Variants in CABIN1 observed in about 807,000 individuals in gnomAD.
CABIN1 encodes calcineurin-binding protein cabin-1.
A neutral mutation model predicts 227.7 loss-of-function variants in CABIN1; 133 were observed. The ratio of observed to expected loss-of-function variants is 0.58; its 90% CI spans 0.51 to 0.67. The LOEUF is 0.67. Ranked by LOEUF, CABIN1 falls within the 30% of genes least tolerant of loss-of-function variation. The pLI, the probability that CABIN1 is intolerant of heterozygous loss-of-function variation, is 0.00. For missense variants in CABIN1, 2,408 were observed against 2,852.5 expected, an observed-to-expected ratio of 0.84 and a Z score of 3.55; for synonymous variants, 1,086 against 1,155.1, an observed-to-expected ratio of 0.94 and a Z score of 1.21.
At chr22:24,156,075 G>A (rs570166642) in intron 29 of CABIN1, 3 of 421,908 alleles carry the variant, frequency 7.1e-6, no homozygotes, top group East Asian at 7.2e-5. Flanking sequence ...CGGAGCCGGC[G>A]GGTAGGAACT....
At chr22:24,081,563 TACTG>T (rs976692083) in intron 19 of CABIN1, among the ~76,000 whole-genome samples, 7 of 152,208 alleles carry the variant, frequency 4.6e-5, no homozygotes, top group South Asian at 4.1e-4. Context: ...CTTTTCAAAT[TACTG>T]ACTATTGGTT....
At chr22:24,066,588 A>G (rs559001247) in intron 15 of CABIN1, among the ~76,000 whole-genome samples, 1 of 152,320 alleles carries the variant, frequency 6.6e-6, no homozygotes, top group South Asian at 2.1e-4. Context: ...CAGGTCCTGC[A>G]TGTAGCGTAT....
Position 24,041,166 on chromosome 22 carries a change from G to T in CABIN1, c.238G>T (p.Gly80Trp). ...AGTTTCATCCGGTGATGAGAAAGAGGGGTTGAAACACCCTGGGCTGATACT... is the reference window on the plus strand; with the variant it reads ...AGTTTCATCCGGTGATGAGAAAGAGTGGTTGAAACACCCTGGGCTGATACT... ...EAVSSGDEKEGLKHPGLILKY... is the reference protein window; with the variant it reads ...EAVSSGDEKEWLKHPGLILKY... The change falls in exon 5 of 37, where the codon GGG becomes TGG. Residue 80 changes from glycine to tryptophan, a missense_variant. Gly to Trp is a radical substitution (Grantham distance 184). Coordinates refer to ENST00000263119, the MANE Select transcript of CABIN1 (RefSeq NM_012295.4). The T allele has an allele frequency of 6.2e-7, 1 of 1,614,194 alleles. No individual in the cohort carries two copies. Among genetic ancestry groups the T allele is most frequent in the South Asian group, 1.1e-5 (1 of 91,076 alleles).
intron 8 of CABIN1, among the ~76,000 whole-genome samples, chr22:24,051,858 A>G (rs2038363246): frequency 6.6e-6 from 1 of 152,116 alleles, no homozygotes; most frequent in Admixed American, 6.5e-5. Flanking sequence ...CCACTCAGGA[A>G]GGGCTGGCTC....
intron 29 of CABIN1, among the ~76,000 whole-genome samples, chr22:24,151,791 G>A (rs1289366637): frequency 1.3e-5 from 2 of 152,110 alleles, no homozygotes; most frequent in Admixed American, 6.5e-5. Flanking sequence ...GGTACCCACT[G>A]CCACACGCAC....
chr22:24,155,033 G>A (rs1024292921), intron 29 of CABIN1, among the ~76,000 whole-genome samples: 9 of 152,124 alleles, frequency 5.9e-5, no homozygotes, highest in African/African-American at 1.9e-4. Flanking sequence ...AAGGGTTGGG[G>A]GTGGGTAAGC....
At chr22:24,139,641 T>G (rs190071448) in intron 29 of CABIN1, among the ~76,000 whole-genome samples, 43 of 152,284 alleles carry the variant, frequency 2.8e-4, no homozygotes, top group African/African-American at 1.0e-3. Context: ...TTGGAGAAGT[T>G]TCCATGTGAG....
chr22:24,073,716 G>C (rs1390516571), intron 18 of CABIN1, among the ~76,000 whole-genome samples: 2 of 152,158 alleles, frequency 1.3e-5, no homozygotes, highest in Non-Finnish European at 2.9e-5. Context: ...GGAAGAGCAG[G>C]GGCAGAGGAA....
In CABIN1 at chr22:24,021,249, G is replaced by T. The variant is rs916542681; in HGVS notation, c.-75+9882G>T. Among the ~76,000 whole-genome samples, 5 of 151,710 alleles carry T rather than the reference G, an allele frequency of 3.3e-5. No individual in the cohort carries two copies. The East Asian group carries it at 9.7e-4, about 29-fold the overall frequency. ...TGCCCAGGGTGGTCTCGGACTCCTG[G>T]AGTCAAAGGATCCTCCAACCCCAGC... is the stretch of plus-strand genomic sequence containing the variant. On this transcript the variant is annotated intron_variant, in intron 1 of 36. Coordinates refer to ENST00000263119, the MANE Select transcript of CABIN1 (RefSeq NM_012295.4).
intron 29 of CABIN1, among the ~76,000 whole-genome samples, chr22:24,146,437 G>A (rs1166797895): frequency 6.6e-6 from 1 of 152,224 alleles, no homozygotes; most frequent in African/African-American, 2.4e-5. Flanking sequence ...TGTTCAGCCT[G>A]GAGCAGGTCT....
chr22:24,131,044 A>T (rs571974281), intron 28 of CABIN1, among the ~76,000 whole-genome samples: 1 of 152,310 alleles, frequency 6.6e-6, no homozygotes, highest in South Asian at 2.1e-4. Context: ...TTCCCGTCCC[A>T]TGGCCACAGG....
intron 12 of CABIN1, among the ~76,000 whole-genome samples, chr22:24,061,323 C>G (rs2039175399): frequency 6.6e-6 from 1 of 152,220 alleles, no homozygotes. Flanking sequence ...CAGGAACATT[C>G]AGGGATGCCT....
chr22:24,083,389 G>A lies in CABIN1; in HGVS notation c.2910G>A (p.Gln970=). The A allele has an allele frequency of 1.2e-6, 2 of 1,613,892 alleles. No homozygotes were observed. Among genetic ancestry groups the A allele is most frequent in the Non-Finnish European group, 1.7e-6 (2 of 1,180,032 alleles). Residue 970 remains glutamine, a splice_region_variant and synonymous_variant, in exon 20 of 37, where the codon CAG becomes CAA. Coordinates refer to ENST00000263119, the MANE Select transcript of CABIN1 (RefSeq NM_012295.4). ...ACCTGGAGGAACACTCGGCCCAGCA[G>A]GTGAGGGTGCTGCAATAGGCCCAAC... ...ARYLEEHSAQ[Q]VDLIWEDALF...
At chr22:24,064,520 T>TTG (rs2039448200) in intron 15 of CABIN1, among the ~76,000 whole-genome samples, 3 of 147,702 alleles carry the variant, frequency 2.0e-5, no homozygotes, top group Admixed American at 2.0e-4. Flanking sequence ...AGGTTTTTTT[T>TTG]TTTTTTTTTT....
At chr22:24,041,047 C>G in intron 4 of CABIN1, 92 bp from the exon 5 acceptor site, 1 of 1,502,948 alleles carries the variant, frequency 6.7e-7, no homozygotes, top group Non-Finnish European at 9.3e-7. Flanking sequence ...CAAGGGCCTG[C>G]AGCAGAGGCC....
chr22:24,100,267 G>A (rs2042126487), intron 26 of CABIN1, among the ~76,000 whole-genome samples: 1 of 152,234 alleles, frequency 6.6e-6, no homozygotes, highest in Non-Finnish European at 1.5e-5. Flanking sequence ...AGGCCTGGCT[G>A]CATAATGCTT....
intron 19 of CABIN1, among the ~76,000 whole-genome samples, chr22:24,082,268 T>G (rs559041420): frequency 6.6e-6 from 1 of 152,196 alleles, no homozygotes; most frequent in Admixed American, 6.5e-5. Flanking sequence ...TTTTAAATTT[T>G]TTGTAGAGAC....
intron 29 of CABIN1, among the ~76,000 whole-genome samples, chr22:24,134,946 C>T (rs906066395): frequency 2.0e-5 from 3 of 150,384 alleles, no homozygotes; most frequent in African/African-American, 2.5e-5. Flanking sequence ...GGCGTGGTGG[C>T]GGGCGCCATA....
rs768951846 is a variant in CABIN1 at position 24,171,831 on chromosome 22, C to T, written c.5876C>T (p.Pro1959Leu). The T allele has an allele frequency of 2.5e-6, 4 of 1,614,136 alleles. No homozygotes were observed. The highest frequency in any genetic ancestry group is 1.1e-5 in the South Asian group (1 of 91,090). ...GTGCCAGCTGACTCTGTCCAGCGGCCCAGTGATGCTCACACCAAGCCTCGC... is the reference window on the plus strand; with the variant it reads ...GTGCCAGCTGACTCTGTCCAGCGGCTCAGTGATGCTCACACCAAGCCTCGC... The part of the protein sequence containing the change: ...DPVPADSVQR[P>L]SDAHTKPRPA... The change falls in exon 34 of 37, where the codon CCC becomes CTC. Residue 1959 changes from proline to leucine, a missense_variant. Pro to Leu is a moderately conservative substitution (Grantham distance 98). Around this residue, in one of 3 missense-constraint regions of CABIN1, gnomAD observed 714 missense variants for 773.8 expected, o/e 0.92. Coordinates refer to ENST00000263119, the MANE Select transcript of CABIN1 (RefSeq NM_012295.4).
Sources: allele counts gnomAD v4.1 joint callset (sites outside exome capture counted in the v4.1 genomes callset), GRCh38; gene constraint gnomAD v4.1.1; regional missense constraint gnomAD v4.1.1; transcripts MANE v1.5; gene names NCBI Gene and HGNC (gene_info 2026-07-23, HGNC 2026-07-21).